DMTF1: variants seen among roughly 807,000 people sequenced by gnomAD.
The protein encoded by DMTF1 is cyclin D binding myb like transcription factor 1.
In DMTF1, 39 loss-of-function variants were observed where a neutral mutation model predicts 91.1. That is an observed-to-expected ratio of 0.43 (90% CI 0.33 to 0.56). The LOEUF (loss-of-function observed/expected upper bound fraction) is 0.56, where lower values mean the gene tolerates loss of function less well. Ranked by LOEUF, DMTF1 falls within the 20% of genes least tolerant of loss-of-function variation. The pLI, the probability that DMTF1 is intolerant of heterozygous loss-of-function variation, is 0.05. For synonymous variants in DMTF1, 338 were observed against 309.5 expected, an observed-to-expected ratio of 1.09 and a Z score of -0.97; for missense variants, 750 against 914.5, an observed-to-expected ratio of 0.82 and a Z score of 2.32.
intron 7 of DMTF1, among the ~76,000 whole-genome samples, chr7:87,176,446 A>C (rs1796283373): frequency 6.6e-6 from 1 of 152,206 alleles, no homozygotes; most frequent in Non-Finnish European, 1.5e-5. Flanking sequence ...TAGGGGATTG[A>C]AGTAGATGAT....
chr7:87,193,560 C>A, intron 15 of DMTF1, 165 bp from the exon 16 acceptor site: 1 of 814,022 alleles, frequency 1.2e-6, no homozygotes, highest in Non-Finnish European at 1.9e-6. Context: ...AGAATAGGGA[C>A]ATTAGAAGAA....
intron 7 of DMTF1, among the ~76,000 whole-genome samples, chr7:87,175,186 A>G (rs993343147): frequency 3.3e-5 from 5 of 151,850 alleles, no homozygotes; most frequent in Admixed American, 6.6e-5. Flanking sequence ...ACGCCCGGCT[A>G]ATTTTTATAT....
rs1208689628 is a variant in DMTF1 at position 87,195,181 on chromosome 7, A to G, written c.*41A>G. The stretch of plus-strand genomic sequence containing the variant: ...TAGGCAGTTCAAGCAAAGAAGGCAC[A>G]CTGTTAATTACAACCTCTTCAAAGA... On this transcript the variant is annotated 3_prime_UTR_variant, in exon 18 of 18. Coordinates refer to ENST00000331242, the MANE Select transcript of DMTF1 (RefSeq NM_001142327.2). 1 of 1,379,578 alleles carries G rather than the reference A, an allele frequency of 7.2e-7. No individual in the cohort carries two copies. Among genetic ancestry groups the G allele is most frequent in the Non-Finnish European group, 1.0e-6 (1 of 973,536 alleles). The allele number at this position is 1,379,578 out of a possible 1,614,324, so 85.5% of individuals were successfully genotyped here.
intron 12 of DMTF1, chr7:87,187,385 C>A (rs1011710929): frequency 3.3e-5 from 5 of 152,050 alleles, no homozygotes; most frequent in Non-Finnish European, 7.3e-5. Flanking sequence ...AAAATAAAAA[C>A]CAATTAGCCA....
chr7:87,168,617 TTC>T (rs1491580849), intron 4 of DMTF1, among the ~76,000 whole-genome samples: 18 of 152,238 alleles, frequency 1.2e-4, no homozygotes, highest in Non-Finnish European at 5.9e-5. Flanking sequence ...GTCCTTTTTT[TTC>T]TCTCACTTAT....
At chr7:87,155,203 T>C (rs1293355649) in intron 1 of DMTF1, among the ~76,000 whole-genome samples, 1 of 152,208 alleles carries the variant, frequency 6.6e-6, no homozygotes, top group Admixed American at 6.5e-5. Context: ...GCATCACTTG[T>C]ATTAAACACA....
chr7:87,187,453 G>C (rs1296157596), intron 12 of DMTF1: 1 of 152,364 alleles, frequency 6.6e-6, no homozygotes, highest in Non-Finnish European at 1.5e-5. Context: ...CCTGAGGCAG[G>C]AGGATGGCTT....
At chr7:87,160,764 A>G (rs1792116614) in intron 1 of DMTF1, among the ~76,000 whole-genome samples, 1 of 152,148 alleles carries the variant, frequency 6.6e-6, no homozygotes, top group Non-Finnish European at 1.5e-5. Context: ...ATGCTCATTG[A>G]AAAAACACTC....
At chr7:87,187,937 T>G in intron 12 of DMTF1, 155 bp from the exon 13 acceptor site, 1 of 602,326 alleles carries the variant, frequency 1.7e-6, no homozygotes, top group Non-Finnish European at 3.0e-6. Flanking sequence ...GATATGTTGT[T>G]TTTTAAAATA....
chr7:87,170,960 A>G (rs769586724), intron 4 of DMTF1, 35 bp from the exon 5 acceptor site: 1 of 1,376,442 alleles, frequency 7.3e-7, no homozygotes, highest in South Asian at 1.2e-5. Flanking sequence ...ACTTGCCGTT[A>G]TTATTCTGGA....
chr7:87,191,028 G>T lies in DMTF1; in HGVS notation c.1494+1G>T. 1 of 1,581,990 alleles carries T rather than the reference G, an allele frequency of 6.3e-7. No individual in the cohort carries two copies. Among genetic ancestry groups the T allele is most frequent in the Non-Finnish European group, 8.6e-7 (1 of 1,156,154 alleles). ...ACTACAGACATTTGAGATTCTTCCC[G>T]TGAGTAACGCTTCATATATATTGGC... On this transcript the variant is annotated splice_donor_variant, in intron 14 of 17. Coordinates refer to ENST00000331242, the MANE Select transcript of DMTF1 (RefSeq NM_001142327.2). LOFTEE classifies it high-confidence loss of function.
intron 7 of DMTF1, among the ~76,000 whole-genome samples, chr7:87,175,357 G>GT (rs1224408466): frequency 2.0e-5 from 3 of 152,194 alleles, no homozygotes; most frequent in African/African-American, 7.2e-5. Flanking sequence ...TGATGTCATA[G>GT]TAGTCCTTAC....
chr7:87,169,115 A>G (rs139468075), intron 4 of DMTF1, among the ~76,000 whole-genome samples: 65 of 152,196 alleles, frequency 4.3e-4, no homozygotes, highest in African/African-American at 1.5e-3. Context: ...TTTTTCTTCT[A>G]CTGAGTCATT....
chr7:87,190,937 T>TA lies in DMTF1; in HGVS notation c.1412-7dup, dbSNP rs776260968. The TA allele has an allele frequency of 5.0e-6, 8 of 1,605,972 alleles. No homozygotes were observed. Among genetic ancestry groups the TA allele is most frequent in the East Asian group, 4.5e-5 (2 of 44,682 alleles). On this transcript the variant is annotated splice_polypyrimidine_tract_variant and splice_region_variant and intron_variant, in intron 13 of 17. Transcript: ENST00000331242. ...TTCTTACCACAGCTTACCTTATTCTTACCACAGCTTCAGCAGACTCTCCTG... is the reference window on the plus strand; with the variant it reads ...TTCTTACCACAGCTTACCTTATTCTTAACCACAGCTTCAGCAGACTCTCCTG...
chr7:87,156,037 T>A (rs1305207327), intron 1 of DMTF1, among the ~76,000 whole-genome samples: 1 of 152,064 alleles, frequency 6.6e-6, no homozygotes, highest in Non-Finnish European at 1.5e-5. Context: ...GCTTTAAAAA[T>A]TAACTTCACT....
chr7:87,186,042 TGA>T, intron 12 of DMTF1, 62 bp downstream of exon 12: 1 of 1,576,258 alleles, frequency 6.3e-7, no homozygotes, highest in Non-Finnish European at 8.7e-7. Context: ...TCCTTAGGAG[TGA>T]GAGGTTAGAA....
intron 17 of DMTF1, 82 bp from the exon 18 acceptor site, chr7:87,194,949 A>G: frequency 7.0e-7 from 1 of 1,426,142 alleles, no homozygotes; most frequent in Non-Finnish European, 9.7e-7. Context: ...TGAGTTCTAC[A>G]CTGTGGTAGA....
rs530583340 is a variant in DMTF1, at chr7:87,181,185, C to T, written c.678-124C>T. The T allele has an allele frequency of 2.4e-5, 13 of 547,114 alleles. No individual in the cohort carries two copies. In the East Asian group the frequency reaches 4.4e-4, roughly 18 times the overall value. 33.9% of individuals were successfully genotyped at this position (547,114 alleles called of 1,614,324 possible). A position where few individuals can be genotyped will look rare whatever the true frequency, so the allele number is the denominator to read the frequency against. ...TATTAATCCACTTTAAAATGGGTTA[C>T]TTTAAAAGTATTATATGCTAAGTGA... On this transcript the variant is annotated intron_variant, in intron 8 of 17. Transcript: ENST00000331242.
chr7:87,168,160 G>C (rs1794255066), intron 4 of DMTF1, among the ~76,000 whole-genome samples: 1 of 152,148 alleles, frequency 6.6e-6, no homozygotes, highest in Non-Finnish European at 1.5e-5. Context: ...TATCTGTCTA[G>C]ATTGTAAAAA....
Sources: allele counts gnomAD v4.1 joint callset (sites outside exome capture counted in the v4.1 genomes callset), GRCh38; gene constraint gnomAD v4.1.1; transcripts MANE v1.5; gene names NCBI Gene and HGNC (gene_info 2026-07-23, HGNC 2026-07-21).